The following MGP variants were observed in gnomAD, a reference collection of about 807,000 sequenced individuals.
MGP encodes the protein cell growth-inhibiting gene 36 protein.
Under a neutral mutation model 14.5 loss-of-function variants are expected in MGP, and 13 were observed. The ratio of observed to expected loss-of-function variants is 0.89; its 90% CI spans 0.58 to 1.42. The LOEUF is 1.42. MGP is among the 40% of genes most tolerant of loss of function. The pLI is 0.00. For synonymous variants in MGP, 44 were observed against 46.3 expected, an observed-to-expected ratio of 0.95 and a Z score of 0.20; for missense variants, 128 against 133.7, an observed-to-expected ratio of 0.96 and a Z score of 0.21.
chr12:14,885,335 C>T (rs555169945), intron 1 of MGP, among the ~76,000 whole-genome samples: 103 of 152,286 alleles, frequency 6.8e-4, no homozygotes, highest in African/African-American at 2.4e-3. Flanking sequence ...ATACTTAATA[C>T]TTCACATAAA....
In MGP at chr12:14,882,276, G is replaced by A. The variant is rs753401003; in HGVS notation, c.175C>T (p.Arg59Ter). 1.9e-6 allele frequency: 3 copies of A among 1,613,814 alleles called. No individual in the cohort carries two copies. The highest frequency in any genetic ancestry group is 2.2e-5 in the East Asian group (1 of 44,880). ...RWRAKVQERI[R>*]ERSKPVHELN... The stretch of plus-strand genomic sequence containing the variant: ...TCGTGGACAGGCTTAGAGCGTTCTC[G>A]GATCCTAGAAAGTGGAAGAAGAGGC... The change falls in exon 4 of 4, where the codon CGA becomes TGA. Residue 59 changes from arginine to a stop codon, truncating the protein, a stop_gained. Transcript: ENST00000539261. LOFTEE classifies it high-confidence loss of function.
rs77634266 is a variant in MGP at position 14,884,902 on chromosome 12, T to C, written c.62-657A>G. The C allele has an allele frequency of 3.6e-3, 5,511 of 1,529,568 alleles. 122 individuals are homozygous for C. The South Asian group carries it at 0.039, about 11-fold the overall frequency. The allele number at this position is 1,529,568 out of a possible 1,614,324, so 94.7% of individuals were successfully genotyped here. A position where few individuals can be genotyped will look rare whatever the true frequency, so the allele number is the denominator to read the frequency against. On this transcript the variant is annotated intron_variant, in intron 1 of 3. Coordinates refer to ENST00000539261, the MANE Select transcript of MGP (RefSeq NM_000900.5). Reference sequence around the variant, plus strand: ...CTGCCACTCTCCTGAGCACAGCAGATAAATTTTGGAATAAGAAGCTTCTAT... The same window carrying C: ...CTGCCACTCTCCTGAGCACAGCAGACAAATTTTGGAATAAGAAGCTTCTAT...
rs10625024 is a variant in MGP at position 14,882,713 on chromosome 12, A to AT, written c.170+258dup. Among the ~76,000 whole-genome samples the AT allele has an allele frequency of 0.016, 2,111 of 128,382 alleles. 40 individuals are homozygous for AT. Among genetic ancestry groups the AT allele is most frequent in the African/African-American group, 0.054 (1,847 of 34,404 alleles). The allele number at this position is 128,382 out of a possible 152,430, so 84.2% of individuals were successfully genotyped here. A position where few individuals can be genotyped will look rare whatever the true frequency, so the allele number is the denominator to read the frequency against. On this transcript the variant is annotated intron_variant, in intron 3 of 3. Transcript: ENST00000539261. ...CCAGGGAGGGAAGGCAGAACAGGAG[A>AT]TTTTTTTTTTTTTTTTAATGAAAAT...
At position 14,882,195 on chromosome 12, in the gene MGP, A is replaced by G; in HGVS notation, c.256T>C (p.Tyr86His). The change falls in exon 4 of 4, where the codon TAT (tyrosine) becomes CAT (histidine). Residue 86 changes from tyrosine to histidine, a missense_variant. Tyr to His is a moderately conservative substitution (Grantham distance 83). Coordinates refer to ENST00000539261, the MANE Select transcript of MGP (RefSeq NM_000900.5). Reference protein sequence around the residue: ...YRLCERYAMVYGYNAAYNRYF... With the variant: ...YRLCERYAMVHGYNAAYNRYF... Reference sequence around the variant, plus strand: ...CGATTATAGGCAGCATTGTATCCATAAACCATGGCGTAGCGTTCGCAAAGT... The same window carrying G: ...CGATTATAGGCAGCATTGTATCCATGAACCATGGCGTAGCGTTCGCAAAGT... The G allele has an allele frequency of 6.2e-7, 1 of 1,614,084 alleles. No homozygotes were observed.
At chr12:14,884,947 A>T (rs1863423329) in intron 1 of MGP, 17 of 1,442,022 alleles carry the variant, frequency 1.2e-5, no homozygotes, top group Non-Finnish European at 9.3e-7. Context: ...CCAGCAAGTG[A>T]ATTTTCTTCA....
Position 14,882,066 on chromosome 12 carries a change from A to G in MGP, c.*73T>C, listed in dbSNP as rs1238249245. 2 of 1,559,814 alleles carry G rather than the reference A, an allele frequency of 1.3e-6. No individual in the cohort carries two copies. The highest frequency in any genetic ancestry group is 3.3e-5 in the Admixed American group (2 of 59,920). On this transcript the variant is annotated 3_prime_UTR_variant, in exon 4 of 4. Transcript: ENST00000539261. ...GTATATAAGCCTATGTATTTCTGTA[A>G]TGCTGCTACAGGGGGATACAAAATC...
chr12:14,883,043 G>A lies in MGP; in HGVS notation c.99C>T (p.Pro33=). The change falls in exon 3 of 4, where the codon CCC becomes CCT. Residue 33 remains proline (P), a synonymous_variant. Coordinates refer to ENST00000539261, the MANE Select transcript of MGP (RefSeq NM_000900.5). ...TATTTGCATTTCTCCTGTTAATGAAGGGATCTTAGAACAGAAAATAAATAA... is the reference window on the plus strand; with the variant it reads ...TATTTGCATTTCTCCTGTTAATGAAAGGATCTTAGAACAGAAAATAAATAA... ...HESMESYELN[P]FINRRNANTF... is the part of the protein sequence containing the mutation. The A allele has an allele frequency of 6.2e-7, 1 of 1,605,884 alleles. No homozygotes were observed. The highest frequency in any genetic ancestry group is 8.5e-7 in the Non-Finnish European group (1 of 1,172,690).
At chr12:14,882,933 G>A in intron 3 of MGP, 39 bp downstream of exon 3, 1 of 1,375,956 alleles carries the variant, frequency 7.3e-7, no homozygotes, top group Non-Finnish European at 1.0e-6. Flanking sequence ...GATCTACACT[G>A]GGAAAAATGA....
In MGP at chr12:14,884,254, A is replaced by T. The variant is rs1303291802; in HGVS notation, c.62-9T>A. 9.6e-6 allele frequency: 10 copies of T among 1,038,518 alleles called. No individual in the cohort carries two copies. Among genetic ancestry groups the T allele is most frequent in the African/African-American group, 4.8e-5 (2 of 41,258 alleles). 64.3% of individuals were successfully genotyped at this position (1,038,518 alleles called of 1,614,324 possible). ...CATGCTTTCATGTGATTCTGAAATT[A>T]AAAAAAAAAGATTCATTATATCAAT... On this transcript the variant is annotated splice_polypyrimidine_tract_variant and intron_variant, in intron 1 of 3. Transcript: ENST00000539261.
rs1863398449 is a variant in MGP, at chr12:14,883,020, T to A, written c.122A>T (p.Asn41Ile). 2 of 1,612,618 alleles carry A rather than the reference T, an allele frequency of 1.2e-6. No homozygotes were observed. Among genetic ancestry groups the A allele is most frequent in the Non-Finnish European group, 1.7e-6 (2 of 1,178,726 alleles). The stretch of plus-strand genomic sequence containing the variant: ...TCTCTGCTGAGGGGATATGAAGGTA[T>A]TTGCATTTCTCCTGTTAATGAAGGG... ...LNPFINRRNANTFISPQQRWR... is the reference protein window; with the variant it reads ...LNPFINRRNAITFISPQQRWR... The change falls in exon 3 of 4, where the codon AAT (asparagine) becomes ATT (isoleucine). Residue 41 changes from asparagine to isoleucine, a missense_variant. By Grantham distance (149) the Asn-to-Ile change is moderately radical. Transcript: ENST00000539261.
At chr12:14,882,677 C>T (rs1029597379) in intron 3 of MGP, among the ~76,000 whole-genome samples, 1 of 139,790 alleles carries the variant, frequency 7.2e-6, no homozygotes, top group Non-Finnish European at 1.6e-5. Context: ...ACCAACCAAC[C>T]AAAAAAAAAA....
chr12:14,883,364 T>C (rs541909560), intron 2 of MGP: 11 of 368,264 alleles, frequency 3.0e-5, no homozygotes, highest in South Asian at 2.6e-4. Context: ...GGAGAAATTC[T>C]CTGTCCTGAG....
intron 2 of MGP, 27 bp from the exon 3 acceptor site, chr12:14,883,074 G>T: frequency 6.7e-7 from 1 of 1,491,342 alleles, no homozygotes; most frequent in Non-Finnish European, 9.4e-7. Context: ...AATAAATGCA[G>T]TTTTAGCGAC....
At chr12:14,884,287 CATGATTCATT>C in intron 1 of MGP, 42 bp from the exon 2 acceptor site, 1 of 1,220,578 alleles carries the variant, frequency 8.2e-7, no homozygotes, top group Non-Finnish European at 1.2e-6. Flanking sequence ...AATATTTATC[CATGATTCATT>C]ATGTTATTAT....
At chr12:14,884,283 T>C (rs749077307) in intron 1 of MGP, 38 bp from the exon 2 acceptor site, 95 of 1,234,868 alleles carry the variant, frequency 7.7e-5, no homozygotes, top group Non-Finnish European at 8.1e-5. Flanking sequence ...TATCAATATT[T>C]ATCCATGATT....
rs1010487179 is a variant in MGP, at chr12:14,884,239, T to A, written c.68A>T (p.His23Leu). 4 of 1,436,470 alleles carry A rather than the reference T, an allele frequency of 2.8e-6. No homozygotes were observed. Among genetic ancestry groups the A allele is most frequent in the Non-Finnish European group, 3.8e-6 (4 of 1,039,882 alleles). The allele number at this position is 1,436,470 out of a possible 1,614,324, so 89.0% of individuals were successfully genotyped here. A position where few individuals can be genotyped will look rare whatever the true frequency, so the allele number is the denominator to read the frequency against. The part of the protein sequence containing the change: ...LAVVTLCYES[H>L]ESMESYELNP... ...AAGTTCATAAGATTCCATGCTTTCA[T>A]GTGATTCTGAAATTAAAAAAAAAAG... The change falls in exon 2 of 4, where the codon CAT becomes CTT. Residue 23 changes from histidine to leucine, a missense_variant. Physicochemically the swap from His to Leu is moderately conservative, Grantham distance 99. Transcript: ENST00000539261.
chr12:14,883,217 T>A, intron 2 of MGP, 170 bp from the exon 3 acceptor site: 1 of 616,754 alleles, frequency 1.6e-6, no homozygotes, highest in Non-Finnish European at 3.0e-6. Context: ...ATTAACTTCC[T>A]GATCAAATGA....
At position 14,884,820 on chromosome 12, in the gene MGP, A is replaced by C. The variant is rs546248668; in HGVS notation, c.62-575T>G. 2.6e-6 allele frequency: 4 copies of C among 1,534,332 alleles called. No homozygotes were observed. In the East Asian group the frequency reaches 9.8e-5, roughly 38 times the overall value. ...CTCCAGCTGACAGCTCACCCTGGGC[A>C]CGATGCCAGTTCAGAGAGAGAACTG... On this transcript the variant is annotated intron_variant, in intron 1 of 3. Coordinates refer to ENST00000539261, the MANE Select transcript of MGP (RefSeq NM_000900.5).
intron 2 of MGP, 113 bp downstream of exon 2, chr12:14,884,100 A>T: frequency 2.3e-6 from 2 of 865,352 alleles, no homozygotes; most frequent in Non-Finnish European, 3.4e-6. Context: ...AGTTTTCCAA[A>T]AGAGGCCCCC....
Sources: allele counts gnomAD v4.1 joint callset (sites outside exome capture counted in the v4.1 genomes callset), GRCh38; gene constraint gnomAD v4.1.1; transcripts MANE v1.5; gene names NCBI Gene and HGNC (gene_info 2026-07-23, HGNC 2026-07-21).